VWC2L: variants seen among roughly 807,000 people sequenced by gnomAD.
The protein encoded by VWC2L is von Willebrand factor C domain-containing protein 2-like.
VWC2L carries 10 observed loss-of-function variants against 21.6 expected under a neutral mutation model. The ratio of observed to expected loss-of-function variants is 0.46; its 90% confidence interval spans 0.29 to 0.78. The LOEUF is 0.78. Among genes scored for constraint, VWC2L ranks in the 30% least tolerant of loss-of-function variants. The pLI is 0.10. For missense variants in VWC2L, 209 were observed against 277.1 expected (o/e 0.75, Z 1.74); for synonymous variants, 96 against 94.3 (o/e 1.02, Z -0.10).
intron 3 of VWC2L, among the ~76,000 whole-genome samples, chr2:214,517,781 G>C (rs1427698398): frequency 1.3e-5 from 2 of 152,132 alleles, no homozygotes; most frequent in Non-Finnish European, 2.9e-5. Context: ...TGCCAAAAAG[G>C]CCACATTTAT....
chr2:214,479,370 A>G (rs1165138773), intron 3 of VWC2L, among the ~76,000 whole-genome samples: 2 of 151,998 alleles, frequency 1.3e-5, no homozygotes, highest in African/African-American at 2.4e-5. Context: ...CTATTTATCT[A>G]TTTGTGCCCT....
At chr2:214,413,552 G>A (rs1027964931) in intron 1 of VWC2L, among the ~76,000 whole-genome samples, 5 of 152,054 alleles carry the variant, frequency 3.3e-5, no homozygotes, top group African/African-American at 1.2e-4. Flanking sequence ...AACTGATGTT[G>A]ACGCCATTGT....
rs557175455 is a variant in VWC2L at position 214,530,755 on chromosome 2, C to T, written c.521-44917C>T. Among the ~76,000 whole-genome samples the T allele has an allele frequency of 6.6e-5, 10 of 152,174 alleles. No homozygotes were observed. In the South Asian group the frequency reaches 8.3e-4, roughly 13 times the overall value. On this transcript the variant is annotated intron_variant, in intron 3 of 3. Transcript: ENST00000312504. ...AGTTATATCTGCTTTCAGCCCATGG[C>T]GAGTTAATAATGTATACTTATATAA...
At chr2:214,528,214 A>G (rs753069881) in intron 3 of VWC2L, among the ~76,000 whole-genome samples, 5 of 152,206 alleles carry the variant, frequency 3.3e-5, no homozygotes, top group Admixed American at 6.5e-5. Flanking sequence ...TAAGCATTGC[A>G]AGAAAACACA....
intron 3 of VWC2L, among the ~76,000 whole-genome samples, chr2:214,564,668 G>A (rs1690034821): frequency 6.6e-6 from 1 of 152,130 alleles, no homozygotes; most frequent in Admixed American, 6.5e-5. Flanking sequence ...GTGCCTGGTT[G>A]CCAAATACAT....
rs761759449 is a variant in VWC2L, at chr2:214,421,885, C to CTTTTTTTTTTTTTTTTTTTTTTT, written c.390+7304_390+7326dup. On this transcript the variant is annotated intron_variant, in intron 2 of 3. Coordinates refer to ENST00000312504, the MANE Select transcript of VWC2L (RefSeq NM_001080500.4). ...CATAATTTTTTTCTATTTCCTACAT[C>CTTTTTTTTTTTTTTTTTTTTTTT]TTTTTTTTTTTTTTTTTTTTTTTTG... is the stretch of plus-strand genomic sequence containing the variant. Among the ~76,000 whole-genome samples, 177 of 76,168 alleles carry CTTTTTTTTTTTTTTTTTTTTTTT rather than the reference C, an allele frequency of 2.3e-3. 29 individuals carry two copies. The highest frequency in any genetic ancestry group is 4.2e-3 in the African/African-American group (66 of 15,718). The allele number at this position is 76,168 out of a possible 152,430, so 50.0% of individuals were successfully genotyped here. A position where few individuals can be genotyped will look rare whatever the true frequency, so the allele number is the denominator to read the frequency against.
At chr2:214,555,149 A>G (rs890625532) in intron 3 of VWC2L, among the ~76,000 whole-genome samples, 2 of 152,254 alleles carry the variant, frequency 1.3e-5, no homozygotes, top group African/African-American at 4.8e-5. Flanking sequence ...CTATTCAGGA[A>G]GAGTGTAACC....
intron 3 of VWC2L, among the ~76,000 whole-genome samples, chr2:214,447,176 G>C (rs1011781280): frequency 2.6e-5 from 4 of 152,102 alleles, no homozygotes; most frequent in Admixed American, 2.6e-4. Context: ...GGCATTCGCT[G>C]TTGCCAAGAT....
At chr2:214,417,481 C>T (rs141879142) in intron 2 of VWC2L, among the ~76,000 whole-genome samples, 39 of 152,230 alleles carry the variant, frequency 2.6e-4, no homozygotes, top group Middle Eastern at 3.4e-3. Flanking sequence ...GGATGCTAAC[C>T]CTATACATCT....
At chr2:214,447,074 G>C (rs1357992626) in intron 3 of VWC2L, among the ~76,000 whole-genome samples, 1 of 152,120 alleles carries the variant, frequency 6.6e-6, no homozygotes, top group Non-Finnish European at 1.5e-5. Context: ...CCTCTGTGAA[G>C]TGTGCATGGT....
chr2:214,456,962 T>C (rs1703067703), intron 3 of VWC2L, among the ~76,000 whole-genome samples: 1 of 152,172 alleles, frequency 6.6e-6, no homozygotes, highest in South Asian at 2.1e-4. Context: ...AGCATGATGT[T>C]TTGGTTATTA....
At chr2:214,558,307 C>G (rs1178952125) in intron 3 of VWC2L, among the ~76,000 whole-genome samples, 1 of 152,158 alleles carries the variant, frequency 6.6e-6, no homozygotes, top group Admixed American at 6.5e-5. Context: ...CATTCACTCC[C>G]CTGAATTCAA....
At chr2:214,566,646 G>A (rs184001685) in intron 3 of VWC2L, among the ~76,000 whole-genome samples, 3 of 152,020 alleles carry the variant, frequency 2.0e-5, no homozygotes, top group Non-Finnish European at 4.4e-5. Context: ...AGTAAAATCA[G>A]ATAGAGGCCC....
At chr2:214,575,584 T>A in intron 3 of VWC2L, 88 bp from the exon 4 acceptor site, 1 of 1,478,392 alleles carries the variant, frequency 6.8e-7, no homozygotes, top group Non-Finnish European at 9.3e-7. Flanking sequence ...ACTTACTCAT[T>A]TATGGCTTTG....
At chr2:214,555,540 T>G (rs1054753602) in intron 3 of VWC2L, among the ~76,000 whole-genome samples, 1 of 152,228 alleles carries the variant, frequency 6.6e-6, no homozygotes, top group Admixed American at 6.5e-5. Flanking sequence ...TTAATACATG[T>G]TTTTGAATAA....
chr2:214,498,876 T>C (rs1688850132), intron 3 of VWC2L, among the ~76,000 whole-genome samples: 1 of 151,440 alleles, frequency 6.6e-6, no homozygotes, highest in African/African-American at 2.4e-5. Context: ...TAAACCATTG[T>C]CTTATTCATT....
intron 3 of VWC2L, among the ~76,000 whole-genome samples, chr2:214,527,810 A>T (rs1239635114): frequency 2.6e-5 from 4 of 152,210 alleles, no homozygotes; most frequent in African/African-American, 9.6e-5. Flanking sequence ...ATTAATATTA[A>T]CACCAAATTG....
chr2:214,422,652 C>T (rs925980692), intron 2 of VWC2L, among the ~76,000 whole-genome samples: 1 of 152,188 alleles, frequency 6.6e-6, no homozygotes, highest in Non-Finnish European at 1.5e-5. Flanking sequence ...GTTTTATCAT[C>T]ACTACTGATT....
intron 3 of VWC2L, chr2:214,525,043 T>TCACACACA (rs5838442): frequency 8.6e-6 from 1 of 116,820 alleles, no homozygotes; most frequent in African/African-American, 2.8e-5. Flanking sequence ...TCTCTCTGCC[T>TCACACACA]CACACACACA....
Sources: allele counts gnomAD v4.1 joint callset (sites outside exome capture counted in the v4.1 genomes callset), GRCh38; gene constraint gnomAD v4.1.1; transcripts MANE v1.5; gene names NCBI Gene and HGNC (gene_info 2026-07-23, HGNC 2026-07-21).